DNAJC1: variants seen among roughly 807,000 people sequenced by gnomAD.
DNAJC1 encodes DnaJ heat shock protein family (Hsp40) member C1.
In DNAJC1, 58 loss-of-function variants were observed where a neutral mutation model predicts 76.6. That is an observed-to-expected ratio of 0.76 (90% CI 0.61 to 0.94). The LOEUF is 0.94. Among genes scored for constraint, DNAJC1 ranks in the 40% least tolerant of loss-of-function variants. The probability of loss-of-function intolerance (pLI) is 0.00; values close to 1 mark genes in which losing one functional copy is unlikely to be tolerated. For missense variants in DNAJC1, 689 were observed against 677.3 expected (o/e 1.02, Z -0.19); for synonymous variants, 258 against 267.9 (o/e 0.96, Z 0.36).
intron 6 of DNAJC1, among the ~76,000 whole-genome samples, chr10:21,906,011 G>A (rs778173342): frequency 1.8e-4 from 28 of 152,046 alleles, no homozygotes; most frequent in Non-Finnish European, 3.7e-4. Context: ...TTTCGTCTAC[G>A]ACTGTGTCCA....
intron 8 of DNAJC1, among the ~76,000 whole-genome samples, chr10:21,876,225 C>A (rs920749989): frequency 6.6e-6 from 1 of 151,808 alleles, no homozygotes; most frequent in South Asian, 2.1e-4. Context: ...ATTCTCCTGC[C>A]TCAGGCTCCC....
chr10:21,860,053 G>T (rs1835896885), intron 8 of DNAJC1, among the ~76,000 whole-genome samples: 1 of 151,624 alleles, frequency 6.6e-6, no homozygotes, highest in Admixed American at 6.6e-5. Flanking sequence ...AAAGTGCTAG[G>T]ATTACAGGCA....
intron 8 of DNAJC1, among the ~76,000 whole-genome samples, chr10:21,813,175 C>T (rs11012792): frequency 0.019 from 543 of 28,286 alleles, 61 homozygotes; most frequent in South Asian, 0.039. Context: ...TCTCTCTCTC[C>T]CTCTCTCTCT....
In DNAJC1 at chr10:21,784,832, T is replaced by C. The variant is rs189490147; in HGVS notation, c.1099-18523A>G. ...ACCAAACACTGCATGTTCTCACACA[T>C]AGGTGGGAACTGAACAATGAGAACA... On this transcript the variant is annotated intron_variant, in intron 9 of 11. Transcript: ENST00000376980. Among the ~76,000 whole-genome samples the C allele has an allele frequency of 2.4e-4, 36 of 150,596 alleles. No individual in the cohort carries two copies. The East Asian group carries it at 3.5e-3, about 15-fold the overall frequency.
At chr10:21,899,243 G>A (rs1417926845) in intron 7 of DNAJC1, among the ~76,000 whole-genome samples, 1 of 152,230 alleles carries the variant, frequency 6.6e-6, no homozygotes, top group Non-Finnish European at 1.5e-5. Context: ...CAGAGGCTGA[G>A]AGTTTTACAT....
intron 10 of DNAJC1, among the ~76,000 whole-genome samples, chr10:21,764,891 G>A (rs558096138): frequency 1.4e-3 from 209 of 152,230 alleles, no homozygotes; most frequent in Non-Finnish European, 2.5e-3. Flanking sequence ...TCTGCTCTCT[G>A]CTCAAAGCTG....
chr10:21,777,689 C>G (rs1428694340), intron 9 of DNAJC1, among the ~76,000 whole-genome samples: 1 of 152,188 alleles, frequency 6.6e-6, no homozygotes, highest in Non-Finnish European at 1.5e-5. Flanking sequence ...ACCAAAAGGG[C>G]AACATAGCCT....
intron 8 of DNAJC1, among the ~76,000 whole-genome samples, chr10:21,837,045 G>A (rs1835472161): frequency 6.6e-6 from 1 of 152,330 alleles, no homozygotes; most frequent in African/African-American, 2.4e-5. Context: ...CGAGTGCCTG[G>A]GATTGCAGGC....
intron 8 of DNAJC1, among the ~76,000 whole-genome samples, chr10:21,837,449 C>G (rs994777259): frequency 6.6e-6 from 1 of 151,982 alleles, no homozygotes; most frequent in Admixed American, 6.6e-5. Context: ...CGGCCGCCAT[C>G]CCGTCTAGGA....
At chr10:21,860,257 T>C (rs1835899499) in intron 8 of DNAJC1, among the ~76,000 whole-genome samples, 1 of 151,976 alleles carries the variant, frequency 6.6e-6, no homozygotes, top group South Asian at 2.1e-4. Context: ...TGTTTCAGGG[T>C]TTTTGAGTTT....
chr10:21,960,539 T>C (rs1473223411), intron 1 of DNAJC1, among the ~76,000 whole-genome samples: 2 of 152,030 alleles, frequency 1.3e-5, no homozygotes, highest in African/African-American at 2.4e-5. Flanking sequence ...TAGTGAGACC[T>C]TGTCCCGACA....
At chr10:21,774,544 G>A (rs758390016) in intron 9 of DNAJC1, among the ~76,000 whole-genome samples, 2 of 152,170 alleles carry the variant, frequency 1.3e-5, no homozygotes, top group African/African-American at 4.8e-5. Context: ...GCGCAATCTC[G>A]GCTCACTACA....
At chr10:21,990,599 T>C (rs1417496596) in intron 1 of DNAJC1, among the ~76,000 whole-genome samples, 1 of 152,172 alleles carries the variant, frequency 6.6e-6, no homozygotes. Context: ...TGTTTCATAA[T>C]CCCTATGGTT....
intron 1 of DNAJC1, among the ~76,000 whole-genome samples, chr10:21,986,161 A>T (rs1475692962): frequency 6.6e-6 from 1 of 152,156 alleles, no homozygotes; most frequent in Non-Finnish European, 1.5e-5. Context: ...CGGGAGGCGG[A>T]GCTTGCAGTG....
intron 8 of DNAJC1, among the ~76,000 whole-genome samples, chr10:21,837,629 G>A (rs1270885459): frequency 7.3e-5 from 11 of 149,864 alleles, no homozygotes; most frequent in Non-Finnish European, 1.3e-4. Context: ...GAGCCCCTCC[G>A]CCCGGCAGCC....
At chr10:21,930,774 T>C (rs1393571402) in intron 1 of DNAJC1, among the ~76,000 whole-genome samples, 2 of 152,218 alleles carry the variant, frequency 1.3e-5, no homozygotes, top group East Asian at 3.8e-4. Flanking sequence ...TAAATGATTA[T>C]TTAATGAAAA....
intron 7 of DNAJC1, among the ~76,000 whole-genome samples, chr10:21,903,714 C>G (rs1239062988): frequency 6.6e-6 from 1 of 152,062 alleles, no homozygotes; most frequent in African/African-American, 2.4e-5. Flanking sequence ...GAAAAATGAC[C>G]CCCTAAAATG....
At chr10:21,879,032 G>C (rs1422058318) in intron 8 of DNAJC1, among the ~76,000 whole-genome samples, 1 of 152,124 alleles carries the variant, frequency 6.6e-6, no homozygotes, top group Non-Finnish European at 1.5e-5. Context: ...GACTACATAG[G>C]AAATGATGCT....
At chr10:21,853,069 T>C (rs1195830527) in intron 8 of DNAJC1, among the ~76,000 whole-genome samples, 1 of 152,206 alleles carries the variant, frequency 6.6e-6, no homozygotes, top group East Asian at 1.9e-4. Context: ...CAATACCCCA[T>C]TCCTTCCAGC....
Sources: gnomAD v4.1 joint callset for allele counts (sites outside exome capture counted in the v4.1 genomes callset) on GRCh38, gnomAD v4.1.1 for gene constraint, MANE v1.5 for transcripts, NCBI Gene and HGNC (gene_info 2026-07-23, HGNC 2026-07-21) for gene names.